SEC61A2: variants seen among roughly 807,000 people sequenced by gnomAD.
The protein encoded by SEC61A2 is protein transport protein Sec61 subunit alpha isoform 2.
Under a neutral mutation model 59.9 loss-of-function variants are expected in SEC61A2, and 28 were observed. The observed-to-expected ratio is 0.47, with a 90% CI of 0.35 to 0.64. The LOEUF (loss-of-function observed/expected upper bound fraction) is 0.64, where lower values mean the gene tolerates loss of function less well. Ranked by LOEUF, SEC61A2 falls within the 30% of genes least tolerant of loss-of-function variation. The probability of loss-of-function intolerance (pLI) is 0.01; values close to 1 mark genes in which losing one functional copy is unlikely to be tolerated. For synonymous variants in SEC61A2, 202 were observed against 214.4 expected (o/e 0.94, Z 0.50); for missense variants, 340 against 585.9 (o/e 0.58, Z 4.33).
At chr10:12,147,680 C>T (rs1834173399) in intron 4 of SEC61A2, among the ~76,000 whole-genome samples, 1 of 135,080 alleles carries the variant, frequency 7.4e-6, no homozygotes, top group Non-Finnish European at 1.6e-5. Context: ...GAGACTCTGT[C>T]TAAAAAAAAA....
In SEC61A2 at chr10:12,158,468, C is replaced by A. The variant is rs888012110; in HGVS notation, c.975+363C>A. 1.3e-5 allele frequency among the ~76,000 whole-genome samples: 2 copies of A among 152,182 alleles called. No homozygotes were observed. The highest frequency in any genetic ancestry group is 2.9e-5 in the Non-Finnish European group (2 of 68,038). On this transcript the variant is annotated intron_variant, in intron 9 of 11. Transcript: ENST00000298428. The surrounding 1 kb of genome is among the most constrained non-coding windows in gnomAD (Gnocchi z 5.7). ...TTTGCTGGCTGGGTGCGGTGGCTCA[C>A]TCCTGTAATCCCAGGACTTTGGGAG...
chr10:12,163,483 C>T (rs1233887178), intron 11 of SEC61A2, among the ~76,000 whole-genome samples: 3 of 151,930 alleles, frequency 2.0e-5, no homozygotes, highest in Admixed American at 6.6e-5. Flanking sequence ...CACCACCATG[C>T]CCGGCTAATT....
Position 12,153,947 on chromosome 10 carries a change from A to G in SEC61A2, c.463-1831A>G, listed in dbSNP as rs1229087131. 5 of 710,034 alleles carry G rather than the reference A, an allele frequency of 7.0e-6. No individual in the cohort carries two copies. The South Asian group carries it at 9.6e-5, about 14-fold the overall frequency. The allele number at this position is 710,034 out of a possible 1,614,324, so 44.0% of individuals were successfully genotyped here. A position where few individuals can be genotyped will look rare whatever the true frequency, so the allele number is the denominator to read the frequency against. On this transcript the variant is annotated intron_variant, in intron 6 of 11. Coordinates refer to ENST00000298428, the MANE Select transcript of SEC61A2 (RefSeq NM_018144.4). This position sits in a 1 kb window ranked among gnomAD's most constrained non-coding sequence, Gnocchi z 5.2. The stretch of plus-strand genomic sequence containing the variant: ...TAGCAGGTCTTGACTAAAAATTTTA[A>G]AAAACTATTAGAGAATATCAGTGTG...
Position 12,145,130 on chromosome 10 carries a change from C to T in SEC61A2, c.220+1935C>T, listed in dbSNP as rs1476179727. Among the ~76,000 whole-genome samples, 1 of 151,866 alleles carries T rather than the reference C, an allele frequency of 6.6e-6. No homozygotes were observed. The highest frequency in any genetic ancestry group is 1.9e-4 in the East Asian group (1 of 5,196). ...GGAGGAGTGATGGGACCTGATGTTG[C>T]AGATGTATCTAAGTCAGATCATGAA... On this transcript the variant is annotated intron_variant, in intron 4 of 11. Coordinates refer to ENST00000298428, the MANE Select transcript of SEC61A2 (RefSeq NM_018144.4). The surrounding 1 kb of genome is among the most constrained non-coding windows in gnomAD (Gnocchi z 4.4).
chr10:12,160,553 A>T lies in SEC61A2; in HGVS notation c.976-377A>T, dbSNP rs1318656984. Among the ~76,000 whole-genome samples the T allele has an allele frequency of 6.6e-6, 1 of 152,234 alleles. No individual in the cohort carries two copies. Among genetic ancestry groups the T allele is most frequent in the Admixed American group, 6.5e-5 (1 of 15,280 alleles). On this transcript the variant is annotated intron_variant, in intron 9 of 11. Coordinates refer to ENST00000298428, the MANE Select transcript of SEC61A2 (RefSeq NM_018144.4). The surrounding 1 kb of genome is among the most constrained non-coding windows in gnomAD (Gnocchi z 4.1). ...TGCATTAATATTTTCATATGGAAGGATCATTCATAGGGATCTTAATGTACT... is the reference window on the plus strand; with the variant it reads ...TGCATTAATATTTTCATATGGAAGGTTCATTCATAGGGATCTTAATGTACT...
chr10:12,139,257 C>T (rs535972230), intron 3 of SEC61A2, among the ~76,000 whole-genome samples: 5 of 151,482 alleles, frequency 3.3e-5, no homozygotes, highest in Admixed American at 6.6e-5. Flanking sequence ...CCACCACGCC[C>T]GGCCCTCGGT....
chr10:12,151,806 G>C (rs2895500), intron 6 of SEC61A2, among the ~76,000 whole-genome samples: 1 of 151,744 alleles, frequency 6.6e-6, no homozygotes, highest in African/African-American at 2.4e-5. Flanking sequence ...GCCCAGGCTA[G>C]AGTACAATGG....
chr10:12,162,109 G>T lies in SEC61A2; in HGVS notation c.1168-104G>T. On this transcript the variant is annotated intron_variant, in intron 10 of 11. Transcript: ENST00000298428. The surrounding 1 kb of genome is among the most constrained non-coding windows in gnomAD (Gnocchi z 6.1). ...ATGACAATGCAACTTTCAGGTTATT[G>T]TATGTTACGTGTTAGTGTGTGGCGA... is the stretch of plus-strand genomic sequence containing the variant. 1 of 850,994 alleles carries T rather than the reference G, an allele frequency of 1.2e-6. No individual in the cohort carries two copies. The highest frequency in any genetic ancestry group is 1.5e-5 in the South Asian group (1 of 66,776). 52.7% of individuals were successfully genotyped at this position (850,994 alleles called of 1,614,324 possible).
Position 12,149,763 on chromosome 10 carries a change from T to C in SEC61A2, c.352+37T>C. ...TGCAATTAAAGAGCATTCTCCAAAT[T>C]TGAGAGTGCTCGTGGTAAAGATGTT... On this transcript the variant is annotated intron_variant, in intron 5 of 11. Coordinates refer to ENST00000298428, the MANE Select transcript of SEC61A2 (RefSeq NM_018144.4). The surrounding 1 kb of genome is among the most constrained non-coding windows in gnomAD (Gnocchi z 5.2). 15 of 1,606,636 alleles carry C rather than the reference T, an allele frequency of 9.3e-6. No homozygotes were observed. The highest frequency in any genetic ancestry group is 1.2e-5 in the Non-Finnish European group (14 of 1,175,940).
rs1032504458 is a variant in SEC61A2 at position 12,155,547 on chromosome 10, G to A, written c.463-231G>A. 17 of 682,094 alleles carry A rather than the reference G, an allele frequency of 2.5e-5. No individual in the cohort carries two copies. Among genetic ancestry groups the A allele is most frequent in the Admixed American group, 1.5e-4 (5 of 33,360 alleles). 42.3% of individuals were successfully genotyped at this position (682,094 alleles called of 1,614,324 possible). A position where few individuals can be genotyped will look rare whatever the true frequency, so the allele number is the denominator to read the frequency against. ...AGATAAGTGTAAATAGACTTTAAAA[G>A]TTGAAATGTCTGCTTTATAATACAA... On this transcript the variant is annotated intron_variant, in intron 6 of 11. Coordinates refer to ENST00000298428, the MANE Select transcript of SEC61A2 (RefSeq NM_018144.4). This position sits in a 1 kb window ranked among gnomAD's most constrained non-coding sequence, Gnocchi z 4.3.
In SEC61A2 at chr10:12,153,058, CAAA is replaced by C. The variant is rs60469535; in HGVS notation, c.463-2707_463-2705del. Among the ~76,000 whole-genome samples the C allele has an allele frequency of 9.5e-5, 12 of 126,854 alleles. No individual in the cohort carries two copies. The highest frequency in any genetic ancestry group is 1.6e-4 in the Admixed American group (2 of 12,278). The allele number at this position is 126,854 out of a possible 152,430, so 83.2% of individuals were successfully genotyped here. ...TGGGCGACAGAGTGAGACTCTGTCT[CAAA>C]AAAAAAAAAAAAGATTAACTTTGTC... On this transcript the variant is annotated intron_variant, in intron 6 of 11. Transcript: ENST00000298428. The surrounding 1 kb of genome is among the most constrained non-coding windows in gnomAD (Gnocchi z 5.2).
Position 12,160,901 on chromosome 10 carries a change from C to T in SEC61A2, c.976-29C>T. 1 of 1,571,444 alleles carries T rather than the reference C, an allele frequency of 6.4e-7. No homozygotes were observed. The highest frequency in any genetic ancestry group is 8.6e-7 in the Non-Finnish European group (1 of 1,157,600). ...TGTATTCCTGACTAATTAGGTTGAC[C>T]ACTTGTTCTTTGTACTCCTGTTCTG... is the stretch of plus-strand genomic sequence containing the variant. On this transcript the variant is annotated intron_variant, in intron 9 of 11. Transcript: ENST00000298428. This position sits in a 1 kb window ranked among gnomAD's most constrained non-coding sequence, Gnocchi z 4.1.
Position 12,156,885 on chromosome 10 carries a change from C to T in SEC61A2, c.617-22C>T, listed in dbSNP as rs2245590. The stretch of plus-strand genomic sequence containing the variant: ...AGCTTTGGACGATGAGTCCACAGGT[C>T]GTGTCTGTCTTGATTTTACAGGTAC... On this transcript the variant is annotated intron_variant, in intron 7 of 11. Transcript: ENST00000298428. The surrounding 1 kb of genome is among the most constrained non-coding windows in gnomAD (Gnocchi z 5.2). The T allele has an allele frequency of 0.031, 49,512 of 1,611,988 alleles. 2,299 individuals carry two copies. The highest frequency in any genetic ancestry group is 0.18 in the African/African-American group (13,467 of 74,768).
intron 3 of SEC61A2, among the ~76,000 whole-genome samples, chr10:12,141,089 G>A (rs1432650346): frequency 6.6e-6 from 1 of 152,118 alleles, no homozygotes; most frequent in Non-Finnish European, 1.5e-5. Context: ...TAGTAGAGAT[G>A]GGGTTTCACC....
At position 12,132,829 on chromosome 10, in the gene SEC61A2, A is replaced by G. The variant is rs565972557; in HGVS notation, c.8-412A>G. 7.9e-5 allele frequency among the ~76,000 whole-genome samples: 12 copies of G among 152,188 alleles called. No individual in the cohort carries two copies. In the East Asian group the frequency reaches 1.2e-3, roughly 15 times the overall value. On this transcript the variant is annotated intron_variant, in intron 1 of 11. Transcript: ENST00000298428. ...TCTCACGGGTACCACGGTAGAGTACATTTGCTCCCTTTTGACGTCGTGATG... is the reference window on the plus strand; with the variant it reads ...TCTCACGGGTACCACGGTAGAGTACGTTTGCTCCCTTTTGACGTCGTGATG...
At chr10:12,135,395 A>G (rs1275415144) in intron 2 of SEC61A2, among the ~76,000 whole-genome samples, 1 of 152,222 alleles carries the variant, frequency 6.6e-6, no homozygotes, top group Non-Finnish European at 1.5e-5. Flanking sequence ...CTAGATTTGA[A>G]AATTCTTTCC....
rs1013599510 is a variant in SEC61A2 at position 12,153,660 on chromosome 10, T to A, written c.463-2118T>A. The A allele has an allele frequency of 6.7e-7, 1 of 1,498,796 alleles. No individual in the cohort carries two copies. The highest frequency in any genetic ancestry group is 2.1e-5 in the Admixed American group (1 of 48,406). 92.8% of individuals were successfully genotyped at this position (1,498,796 alleles called of 1,614,324 possible). ...ACACAAATATGCGTGTTATGGCTAA[T>A]TCTTCTAATGTTAATATATAAAGAG... On this transcript the variant is annotated intron_variant, in intron 6 of 11. Coordinates refer to ENST00000298428, the MANE Select transcript of SEC61A2 (RefSeq NM_018144.4). The surrounding 1 kb of genome is among the most constrained non-coding windows in gnomAD (Gnocchi z 5.2).
At chr10:12,147,282 C>T (rs1188817660) in intron 4 of SEC61A2, among the ~76,000 whole-genome samples, 1 of 152,158 alleles carries the variant, frequency 6.6e-6, no homozygotes, top group Non-Finnish European at 1.5e-5. Flanking sequence ...TCCTTTGTGG[C>T]TTCTAGATTT....
Position 12,164,533 on chromosome 10 carries a change from T to C in SEC61A2, c.*79T>C. On this transcript the variant is annotated 3_prime_UTR_variant, in exon 12 of 12. Coordinates refer to ENST00000298428, the MANE Select transcript of SEC61A2 (RefSeq NM_018144.4). This position sits in a 1 kb window ranked among gnomAD's most constrained non-coding sequence, Gnocchi z 7.3. Reference sequence around the variant, plus strand: ...GTTTTTGTCAGATGACACTGGTGGCTCCCCTTTTCTCCCCTCACAGTTTCT... The same window carrying C: ...GTTTTTGTCAGATGACACTGGTGGCCCCCCTTTTCTCCCCTCACAGTTTCT... 1 of 1,528,722 alleles carries C rather than the reference T, an allele frequency of 6.5e-7. No homozygotes were observed. The highest frequency in any genetic ancestry group is 8.8e-7 in the Non-Finnish European group (1 of 1,142,092). The allele number at this position is 1,528,722 out of a possible 1,614,324, so 94.7% of individuals were successfully genotyped here. A position where few individuals can be genotyped will look rare whatever the true frequency, so the allele number is the denominator to read the frequency against.
Sources: gnomAD v4.1 joint callset for allele counts (sites outside exome capture counted in the v4.1 genomes callset) on GRCh38, gnomAD v4.1.1 for gene constraint, Gnocchi (gnomAD v3.1) non-coding constraint, MANE v1.5 for transcripts, NCBI Gene and HGNC (gene_info 2026-07-23, HGNC 2026-07-21) for gene names.